TRAF5: variants seen among roughly 807,000 people sequenced by gnomAD.
TRAF5 encodes the protein TNF receptor-associated factor 5.
Under a neutral mutation model 64.5 loss-of-function variants are expected in TRAF5, and 48 were observed. The ratio of observed to expected loss-of-function variants is 0.74; its 90% confidence interval spans 0.59 to 0.95. The LOEUF (loss-of-function observed/expected upper bound fraction) is 0.95, where lower values mean the gene tolerates loss of function less well. Ranked by LOEUF, TRAF5 falls within the 40% of genes least tolerant of loss-of-function variation. The pLI, the probability that TRAF5 is intolerant of heterozygous loss-of-function variation, is 0.00. For synonymous variants in TRAF5, 206 were observed against 240.5 expected (o/e 0.86, Z 1.33); for missense variants, 545 against 662.8 (o/e 0.82, Z 1.95).
At chr1:211,370,305 TATTTGAA>T (rs1307767419) in intron 9 of TRAF5, among the ~76,000 whole-genome samples, 1 of 152,082 alleles carries the variant, frequency 6.6e-6, no homozygotes. Flanking sequence ...GTAGGCAATA[TATTTGAA>T]ATTTAAGTTA....
chr1:211,360,236 C>T, intron 5 of TRAF5, 160 bp downstream of exon 5: 1 of 707,970 alleles, frequency 1.4e-6, no homozygotes, highest in Non-Finnish European at 2.3e-6. Context: ...CTGTGAAAAG[C>T]TTAAAACCTT....
chr1:211,362,522 A>T (rs2102760217), intron 7 of TRAF5, among the ~76,000 whole-genome samples: 1 of 152,228 alleles, frequency 6.6e-6, no homozygotes, highest in Admixed American at 6.5e-5. Context: ...TCTACTAAAA[A>T]TACAAAAGTT....
intron 1 of TRAF5, among the ~76,000 whole-genome samples, chr1:211,345,769 G>A (rs1215037345): frequency 6.6e-6 from 1 of 152,196 alleles, no homozygotes; most frequent in Non-Finnish European, 1.5e-5. Flanking sequence ...GCCATCTGGT[G>A]TCATTAGAGC....
At chr1:211,362,730 A>G (rs1703226166) in intron 7 of TRAF5, among the ~76,000 whole-genome samples, 1 of 152,180 alleles carries the variant, frequency 6.6e-6, no homozygotes, top group Non-Finnish European at 1.5e-5. Flanking sequence ...CCTTTCTTAA[A>G]TGACTAACAC....
intron 8 of TRAF5, 50 bp downstream of exon 8, chr1:211,365,518 A>G: frequency 7.0e-7 from 1 of 1,424,552 alleles, no homozygotes; most frequent in Middle Eastern, 1.8e-4. Context: ...AATTGCTGGG[A>G]TTTACCTGCT....
chr1:211,359,848 C>T (rs1024264268), intron 4 of TRAF5, 64 bp from the exon 5 acceptor site: 11 of 1,604,000 alleles, frequency 6.9e-6, no homozygotes, highest in Non-Finnish European at 9.4e-6. Context: ...CTAGGCCTTC[C>T]AGCTGACTTC....
At chr1:211,355,707 G>A (rs1381117612) in intron 3 of TRAF5, among the ~76,000 whole-genome samples, 3 of 152,060 alleles carry the variant, frequency 2.0e-5, no homozygotes, top group Admixed American at 2.0e-4. Flanking sequence ...ATGTAATGGT[G>A]GGTGCATAGA....
Position 211,360,737 on chromosome 1 carries a change from A to G in TRAF5, c.579A>G (p.Val193=). ...AAAACTTGTGTCCTGAATACCCAGT[A>G]TTTTGTCCCAACAATTGTGCGAAGA... The part of the protein sequence containing the change: ...HEENLCPEYP[V]FCPNNCAKII... The change falls in exon 6 of 11, where the codon GTA becomes GTG. Residue 193 remains valine, a synonymous_variant. Coordinates refer to ENST00000261464, the MANE Select transcript of TRAF5 (RefSeq NM_001033910.3). 6.2e-7 allele frequency: 1 copy of G among 1,614,010 alleles called. No individual in the cohort carries two copies. Among genetic ancestry groups the G allele is most frequent in the Non-Finnish European group, 8.5e-7 (1 of 1,179,938 alleles).
rs573092976 is a variant in TRAF5, at chr1:211,365,296, A to G, written c.697-80A>G. On this transcript the variant is annotated intron_variant, in intron 7 of 10. Transcript: ENST00000261464. ...AAGTAAGCAAAGTTGTTAAGATTCT[A>G]TTTTAGCAGAATATCCTACCACCTC... 7.1e-5 allele frequency: 86 copies of G among 1,204,394 alleles called. No individual in the cohort carries two copies. The African/African-American group carries it at 1.2e-3, about 16-fold the overall frequency. The allele number at this position is 1,204,394 out of a possible 1,614,324, so 74.6% of individuals were successfully genotyped here. A position where few individuals can be genotyped will look rare whatever the true frequency, so the allele number is the denominator to read the frequency against.
At chr1:211,360,958 G>A in intron 6 of TRAF5, 130 bp from the exon 7 acceptor site, 2 of 1,029,970 alleles carry the variant, frequency 1.9e-6, no homozygotes, top group East Asian at 4.9e-5. Context: ...TTTCATCATA[G>A]CTCTTTCTTG....
intron 1 of TRAF5, among the ~76,000 whole-genome samples, chr1:211,329,279 G>A (rs910763083): frequency 3.3e-5 from 5 of 152,214 alleles, no homozygotes; most frequent in African/African-American, 1.2e-4. Flanking sequence ...TTCAGGGTAC[G>A]TCTCCCTTGG....
chr1:211,349,357 C>T (rs572928890), intron 1 of TRAF5, among the ~76,000 whole-genome samples: 1 of 152,338 alleles, frequency 6.6e-6, no homozygotes, highest in South Asian at 2.1e-4. Context: ...CAGCAGATTC[C>T]GTGTCTGGTG....
intron 1 of TRAF5, among the ~76,000 whole-genome samples, chr1:211,345,869 C>T (rs150730631): frequency 2.0e-4 from 31 of 152,328 alleles, no homozygotes; most frequent in African/African-American, 6.0e-4. Flanking sequence ...CCCACTCTTC[C>T]CATCCCAGTG....
intron 1 of TRAF5, among the ~76,000 whole-genome samples, chr1:211,345,519 T>C (rs1314432526): frequency 6.6e-6 from 1 of 152,180 alleles, no homozygotes; most frequent in Admixed American, 6.5e-5. Context: ...CAGAGACCCG[T>C]TGGGTCACTG....
rs762036031 is a variant in TRAF5 at position 211,371,405 on chromosome 1, T to C, written c.1034T>C (p.Leu345Ser). Residue 345 changes from leucine (L) to serine (S), a missense_variant, in exon 10 of 11, where the codon TTG (leucine) becomes TCG (serine). Transcript: ENST00000261464. Reference protein sequence around the residue: ...QQQNKFDLRPLMEAVDTVKQK... With the variant: ...QQQNKFDLRPSMEAVDTVKQK... ...CAAAATAAATTTGACCTGAGACCTT[T>C]GATGGAAGCAGTTGATACAGTGAAA... 50 of 1,612,056 alleles carry C rather than the reference T, an allele frequency of 3.1e-5. No homozygotes were observed. Among genetic ancestry groups the C allele is most frequent in the African/African-American group, 4.0e-5 (3 of 74,826 alleles).
intron 8 of TRAF5, among the ~76,000 whole-genome samples, chr1:211,367,411 T>C (rs1035442152): frequency 7.9e-5 from 12 of 152,196 alleles, no homozygotes; most frequent in African/African-American, 2.9e-4. Context: ...TCCTCATTTG[T>C]AAATGGGGTT....
At chr1:211,354,185 C>T (rs981365752) in intron 2 of TRAF5, among the ~76,000 whole-genome samples, 5 of 152,164 alleles carry the variant, frequency 3.3e-5, no homozygotes, top group African/African-American at 1.2e-4. Context: ...CAGGGACTCA[C>T]TGACTGCATC....
At chr1:211,354,026 C>A (rs1702879862) in intron 2 of TRAF5, among the ~76,000 whole-genome samples, 1 of 152,336 alleles carries the variant, frequency 6.6e-6, no homozygotes, top group East Asian at 1.9e-4. Flanking sequence ...TGTGTTTGTG[C>A]CTTCAGCACC....
rs570082194 is a variant in TRAF5, at chr1:211,348,213, A to G, written c.-1-5026A>G. On this transcript the variant is annotated intron_variant, in intron 1 of 10. Coordinates refer to ENST00000261464, the MANE Select transcript of TRAF5 (RefSeq NM_001033910.3). ...GCTATCTTCTATTAAGCAACACATT[A>G]AAGAGATGTGCAAACATGTAAAATG... Among the ~76,000 whole-genome samples, 5 of 152,366 alleles carry G rather than the reference A, an allele frequency of 3.3e-5. No individual in the cohort carries two copies. The South Asian group carries it at 1.0e-3, about 32-fold the overall frequency.
Sources: allele counts gnomAD v4.1 joint callset (sites outside exome capture counted in the v4.1 genomes callset), GRCh38; gene constraint gnomAD v4.1.1; transcripts MANE v1.5; gene names NCBI Gene and HGNC (gene_info 2026-07-23, HGNC 2026-07-21).